MAF: variants seen among roughly 807,000 people sequenced by gnomAD.
MAF encodes transcription factor Maf.
MAF carries 10 observed loss-of-function variants against 22.0 expected under a neutral mutation model. The observed-to-expected ratio is 0.45, with a 90% CI of 0.28 to 0.77. The LOEUF is 0.77. Among genes scored for constraint, MAF ranks in the 30% least tolerant of loss-of-function variants. The pLI is 0.12. For missense variants in MAF, 544 were observed against 548.4 expected (o/e 0.99, Z 0.08); for synonymous variants, 337 against 255.8 (o/e 1.32, Z -3.03).
At chr16:79,473,183 C>A in the MAF span, among the ~76,000 whole-genome samples, 4 of 152,110 alleles carry the variant, frequency 2.6e-5, no homozygotes, top group African/African-American at 9.7e-5. Flanking sequence ...GTGGGAGGAA[C>A]AGCCACAGGC....
At chr16:79,320,102 G>C in the MAF span, among the ~76,000 whole-genome samples, 2 of 152,146 alleles carry the variant, frequency 1.3e-5, no homozygotes, top group East Asian at 1.9e-4. Flanking sequence ...AGGAAGGGTG[G>C]TACAAAGTGG....
the MAF span, among the ~76,000 whole-genome samples, chr16:79,480,023 C>G: frequency 1.3e-5 from 2 of 152,142 alleles, no homozygotes; most frequent in Non-Finnish European, 2.9e-5. Flanking sequence ...TGAAGGATTT[C>G]ATAGACACCC....
At chr16:79,252,058 C>T in the MAF span, among the ~76,000 whole-genome samples, 2 of 152,228 alleles carry the variant, frequency 1.3e-5, no homozygotes, top group Non-Finnish European at 2.9e-5. Flanking sequence ...TATGCCGTCC[C>T]GGCCTGCAGA....
chr16:79,397,753 G>A, the MAF span, among the ~76,000 whole-genome samples: 1 of 152,076 alleles, frequency 6.6e-6, no homozygotes, highest in Non-Finnish European at 1.5e-5. Context: ...GGGCCAGGCT[G>A]GCTCTAAGGG....
chr16:79,539,533 G>A, the MAF span, among the ~76,000 whole-genome samples: 14 of 152,006 alleles, frequency 9.2e-5, no homozygotes, highest in African/African-American at 3.1e-4. Context: ...GAGAAAGAAA[G>A]AAAAGAAAGT....
At chr16:79,518,061 C>A in the MAF span, among the ~76,000 whole-genome samples, 5 of 152,202 alleles carry the variant, frequency 3.3e-5, no homozygotes, top group Admixed American at 3.3e-4. Flanking sequence ...TCACTTGATG[C>A]CGGGCATCCT....
the MAF span, among the ~76,000 whole-genome samples, chr16:79,254,530 G>T: frequency 8.5e-5 from 13 of 152,156 alleles, no homozygotes; most frequent in Non-Finnish European, 1.8e-4. Context: ...ATTTATGGTT[G>T]ATTGCCTACA....
the MAF span, among the ~76,000 whole-genome samples, chr16:79,554,782 T>C: frequency 0.048 from 7,358 of 152,260 alleles, 199 homozygotes; most frequent in African/African-American, 0.077. Flanking sequence ...GAAAATTGTA[T>C]GGGCATCACG....
At chr16:79,327,004 CTG>C in the MAF span, among the ~76,000 whole-genome samples, 8 of 152,236 alleles carry the variant, frequency 5.3e-5, no homozygotes, top group Admixed American at 5.2e-4. Context: ...GTCCTAGCAG[CTG>C]TGGGGTTTGG....
the MAF span, among the ~76,000 whole-genome samples, chr16:79,361,346 T>C: frequency 4.6e-5 from 7 of 152,252 alleles, no homozygotes; most frequent in East Asian, 7.7e-4. Flanking sequence ...TCACCAATGA[T>C]TGGGAACAAG....
At chr16:79,410,711 A>G in the MAF span, among the ~76,000 whole-genome samples, 5 of 152,228 alleles carry the variant, frequency 3.3e-5, no homozygotes, top group African/African-American at 9.6e-5. Flanking sequence ...AGGAGGCAGC[A>G]TTTGAGCTGC....
the MAF span, among the ~76,000 whole-genome samples, chr16:79,498,445 A>G: frequency 6.6e-6 from 1 of 152,224 alleles, no homozygotes; most frequent in East Asian, 1.9e-4. Context: ...TGAAAAACTC[A>G]AAAGCCATTC....
chr16:79,364,271 C>T, the MAF span, among the ~76,000 whole-genome samples: 8 of 152,134 alleles, frequency 5.3e-5, no homozygotes, highest in African/African-American at 1.7e-4. Context: ...AGGAATGGAA[C>T]TCAAGGTAGG....
At chr16:79,225,887 T>C in the MAF span, among the ~76,000 whole-genome samples, 1 of 152,176 alleles carries the variant, frequency 6.6e-6, no homozygotes, top group East Asian at 1.9e-4. Flanking sequence ...GAACAGATGC[T>C]GGAGAGGATG....
chr16:79,340,315 C>T, the MAF span, among the ~76,000 whole-genome samples: 16 of 151,780 alleles, frequency 1.1e-4, no homozygotes, highest in Admixed American at 2.6e-4. Flanking sequence ...ATTATTGTCA[C>T]GATGATGATG....
the MAF span, among the ~76,000 whole-genome samples, chr16:79,506,788 G>A: frequency 1.2e-4 from 19 of 152,208 alleles, no homozygotes; most frequent in African/African-American, 4.3e-4. Context: ...CACTGAAGGA[G>A]TGAAGAAGAG....
intron 1 of MAF, chr16:79,595,844 C>A: frequency 8.5e-6 from 9 of 1,058,264 alleles, no homozygotes; most frequent in Non-Finnish European, 1.0e-5. Flanking sequence ...ATAGTTTAAA[C>A]CAGATATGTA....
chr16:79,213,297 G>T, the MAF span, among the ~76,000 whole-genome samples: 2 of 152,100 alleles, frequency 1.3e-5, no homozygotes, highest in African/African-American at 2.4e-5. Flanking sequence ...CAGAGCAGTC[G>T]AACAAACAAA....
At chr16:79,466,808 C>G in the MAF span, among the ~76,000 whole-genome samples, 1 of 152,166 alleles carries the variant, frequency 6.6e-6, no homozygotes, top group Admixed American at 6.5e-5. Context: ...TATTTAAGAT[C>G]CATTATTACT....
Sources: allele counts gnomAD v4.1 joint callset (sites outside exome capture counted in the v4.1 genomes callset), GRCh38; gene constraint gnomAD v4.1.1; transcripts MANE v1.5; gene names NCBI Gene and HGNC (gene_info 2026-07-23, HGNC 2026-07-21).